Variants in PCDH9 observed in about 807,000 individuals in gnomAD.
PCDH9 encodes protocadherin-9.
Under a neutral mutation model 70.6 loss-of-function variants are expected in PCDH9, and 24 were observed. That is an observed-to-expected ratio of 0.34 (90% CI 0.25 to 0.48). The LOEUF (loss-of-function observed/expected upper bound fraction) is 0.48, where lower values mean the gene tolerates loss of function less well. PCDH9 is among the 20% of genes least tolerant of loss of function. PCDH9 has a pLI of 0.99. For missense variants in PCDH9, 1,281 were observed against 1,503.6 expected (o/e 0.85, Z 2.45); for synonymous variants, 562 against 558.5 (o/e 1.01, Z -0.09).
intron 2 of PCDH9, among the ~76,000 whole-genome samples, chr13:67,055,811 A>G (rs2085408025): frequency 6.6e-6 from 1 of 152,098 alleles, no homozygotes; most frequent in South Asian, 2.1e-4. Context: ...AAAAACCCTT[A>G]AAAACACTAA....
chr13:67,032,805 A>C (rs1388920300), intron 2 of PCDH9, among the ~76,000 whole-genome samples: 1 of 152,178 alleles, frequency 6.6e-6, no homozygotes, highest in Non-Finnish European at 1.5e-5. Context: ...CAAGTTACTG[A>C]GTGACAATTT....
intron 4 of PCDH9, among the ~76,000 whole-genome samples, chr13:66,560,109 CA>C (rs1397313099): frequency 6.6e-5 from 10 of 151,834 alleles, no homozygotes; most frequent in Non-Finnish European, 1.5e-4. Flanking sequence ...TCCATTGGAC[CA>C]CAGAAGAATG....
intron 3 of PCDH9, among the ~76,000 whole-genome samples, chr13:66,803,111 AAATTGGTGT>A (rs1014538033): frequency 9.2e-5 from 14 of 152,258 alleles, no homozygotes; most frequent in African/African-American, 3.4e-4. Flanking sequence ...TATGAAAAAA[AAATTGGTGT>A]AATTAATTAT....
chr13:66,828,343 C>G (rs772930102), intron 3 of PCDH9, among the ~76,000 whole-genome samples: 9 of 152,084 alleles, frequency 5.9e-5, no homozygotes, highest in Non-Finnish European at 1.2e-4. Context: ...AGAAGAGTGA[C>G]ATGAATTTAT....
chr13:67,107,909 A>G (rs1459030495), intron 2 of PCDH9, among the ~76,000 whole-genome samples: 1 of 152,148 alleles, frequency 6.6e-6, no homozygotes, highest in East Asian at 1.9e-4. Flanking sequence ...GGTGTCTCCA[A>G]GCTTCTGGGT....
At chr13:66,838,870 C>T (rs139060713) in intron 3 of PCDH9, among the ~76,000 whole-genome samples, 3 of 151,774 alleles carry the variant, frequency 2.0e-5, no homozygotes, top group Non-Finnish European at 4.4e-5. Flanking sequence ...AAGGGAGAAA[C>T]GATCACTTTA....
At chr13:66,924,326 T>C (rs1349715860) in intron 2 of PCDH9, among the ~76,000 whole-genome samples, 1 of 151,904 alleles carries the variant, frequency 6.6e-6, no homozygotes, top group South Asian at 2.1e-4. Context: ...GAAAATATTT[T>C]AAAATATTCC....
intron 4 of PCDH9, among the ~76,000 whole-genome samples, chr13:66,360,728 T>C (rs1450738920): frequency 2.6e-5 from 4 of 152,086 alleles, no homozygotes; most frequent in Non-Finnish European, 5.9e-5. Flanking sequence ...GTCTCAGTGA[T>C]TGATTGCATT....
intron 4 of PCDH9, among the ~76,000 whole-genome samples, chr13:66,335,057 C>T (rs1013046864): frequency 4.3e-4 from 65 of 152,190 alleles, no homozygotes; most frequent in Middle Eastern, 3.4e-3. Flanking sequence ...GACTGCAATT[C>T]ATCTAAATAG....
intron 4 of PCDH9, among the ~76,000 whole-genome samples, chr13:66,505,477 C>T (rs1959201762): frequency 6.6e-6 from 1 of 151,578 alleles, no homozygotes; most frequent in African/African-American, 2.4e-5. Flanking sequence ...TCCCATGACA[C>T]GTGGGGATTA....
At chr13:66,450,077 T>C (rs1958174028) in intron 4 of PCDH9, among the ~76,000 whole-genome samples, 1 of 152,170 alleles carries the variant, frequency 6.6e-6, no homozygotes, top group Non-Finnish European at 1.5e-5. Flanking sequence ...GTTTATTTTT[T>C]CAAAGTATAA....
intron 4 of PCDH9, among the ~76,000 whole-genome samples, chr13:66,570,245 A>G (rs939808985): frequency 3.9e-5 from 6 of 152,266 alleles, no homozygotes; most frequent in Admixed American, 2.0e-4. Context: ...GTTACCATGG[A>G]TTAGGGATGA....
chr13:66,790,450 C>T, intron 3 of PCDH9, among the ~76,000 whole-genome samples: 1 of 151,986 alleles, frequency 6.6e-6, no homozygotes, highest in East Asian at 1.9e-4. Flanking sequence ...AATGTATTAA[C>T]CTTTTCTGCA....
At chr13:67,216,779 A>C (rs1242379696) in intron 2 of PCDH9, 1 of 149,856 alleles carries the variant, frequency 6.7e-6, no homozygotes, top group Non-Finnish European at 1.5e-5. Flanking sequence ...AAACTAAGAA[A>C]TCAGATGTAT....
intron 3 of PCDH9, among the ~76,000 whole-genome samples, chr13:66,801,665 GAA>G (rs999321879): frequency 5.3e-5 from 8 of 152,140 alleles, no homozygotes; most frequent in African/African-American, 1.4e-4. Flanking sequence ...ATTCAAGAAA[GAA>G]AATGTTATAG....
chr13:67,021,942 A>G (rs895818940), intron 2 of PCDH9, among the ~76,000 whole-genome samples: 15 of 152,138 alleles, frequency 9.9e-5, no homozygotes, highest in Admixed American at 2.0e-4. Flanking sequence ...ATAAGTATGT[A>G]TATAACATAC....
chr13:66,661,186 A>C (rs2078003772), intron 3 of PCDH9, among the ~76,000 whole-genome samples: 1 of 152,238 alleles, frequency 6.6e-6, no homozygotes, highest in Non-Finnish European at 1.5e-5. Flanking sequence ...TAAGAATTTC[A>C]AGATGAAGAA....
At chr13:66,691,928 G>C (rs1223730563) in intron 3 of PCDH9, among the ~76,000 whole-genome samples, 1 of 152,062 alleles carries the variant, frequency 6.6e-6, no homozygotes, top group South Asian at 2.1e-4. Flanking sequence ...ACTTAAGCCT[G>C]GGCAATATCT....
intron 2 of PCDH9, among the ~76,000 whole-genome samples, chr13:66,949,076 G>C (rs1424625318): frequency 6.6e-6 from 1 of 152,026 alleles, no homozygotes; most frequent in East Asian, 1.9e-4. Flanking sequence ...TACGAGCTTG[G>C]CTAAATATGC....
Sources: allele counts gnomAD v4.1 joint callset (sites outside exome capture counted in the v4.1 genomes callset), GRCh38; gene constraint gnomAD v4.1.1; transcripts MANE v1.5; gene names NCBI Gene and HGNC (gene_info 2026-07-23, HGNC 2026-07-21).